Variants in TMEM132D observed in about 807,000 individuals in gnomAD.
TMEM132D encodes mature OL transmembrane protein.
In TMEM132D, 21 loss-of-function variants were observed where a neutral mutation model predicts 62.3. The observed-to-expected ratio is 0.34, with a 90% CI of 0.24 to 0.49. TMEM132D has a LOEUF of 0.49. Among genes scored for constraint, TMEM132D ranks in the 20% least tolerant of loss-of-function variants. The pLI, the probability that TMEM132D is intolerant of heterozygous loss-of-function variation, is 0.99. For missense variants in TMEM132D, 1,346 were observed against 1,402.8 expected (o/e 0.96, Z 0.65); for synonymous variants, 621 against 575.6 (o/e 1.08, Z -1.13).
intron 3 of TMEM132D, among the ~76,000 whole-genome samples, chr12:129,395,739 A>G (rs533728205): frequency 2.7e-4 from 41 of 149,354 alleles, no homozygotes; most frequent in South Asian, 1.3e-3. Context: ...GTACATAGAT[A>G]TCTATATATC....
chr12:129,218,337 G>A (rs60089696), intron 4 of TMEM132D, among the ~76,000 whole-genome samples: 1,875 of 152,262 alleles, frequency 0.012, 32 homozygotes, highest in African/African-American at 0.042. Flanking sequence ...CGATTTCATC[G>A]TTGTGTGAAC....
At chr12:129,094,572 A>G (rs1593258747) in intron 5 of TMEM132D, among the ~76,000 whole-genome samples, 1 of 152,348 alleles carries the variant, frequency 6.6e-6, no homozygotes, top group East Asian at 1.9e-4. Flanking sequence ...GAACACTTTT[A>G]CACTGTTGGT....
At chr12:129,252,157 A>G (rs1001543018) in intron 4 of TMEM132D, among the ~76,000 whole-genome samples, 3 of 152,222 alleles carry the variant, frequency 2.0e-5, no homozygotes, top group Admixed American at 6.5e-5. Context: ...TCTGGCTTTT[A>G]TATTTCAAAT....
chr12:129,232,461 A>C (rs1167380633), intron 4 of TMEM132D, among the ~76,000 whole-genome samples: 1 of 152,208 alleles, frequency 6.6e-6, no homozygotes, highest in East Asian at 1.9e-4. Flanking sequence ...GTCAGAAAGC[A>C]CCATGCTAGC....
intron 1 of TMEM132D, among the ~76,000 whole-genome samples, chr12:129,797,657 T>C (rs1459526456): frequency 2.6e-5 from 4 of 152,190 alleles, no homozygotes; most frequent in African/African-American, 9.7e-5. Context: ...AGTCTTCCTG[T>C]GTGTTGTTCC....
intron 1 of TMEM132D, among the ~76,000 whole-genome samples, chr12:129,872,721 C>T (rs1213437042): frequency 6.6e-6 from 1 of 152,160 alleles, no homozygotes; most frequent in Non-Finnish European, 1.5e-5. Context: ...TTGTAATGTA[C>T]CGACGTAAGC....
At chr12:129,815,362 A>T (rs1322078701) in intron 1 of TMEM132D, among the ~76,000 whole-genome samples, 2 of 152,182 alleles carry the variant, frequency 1.3e-5, no homozygotes, top group Non-Finnish European at 2.9e-5. Context: ...ATTAAGCAAC[A>T]TAATAAATAA....
intron 2 of TMEM132D, among the ~76,000 whole-genome samples, chr12:129,592,980 G>A (rs1367784576): frequency 1.3e-5 from 2 of 152,142 alleles, no homozygotes; most frequent in African/African-American, 4.8e-5. Flanking sequence ...AAGAGGAAGA[G>A]ACACAGGAGG....
chr12:129,161,219 A>G lies in TMEM132D; in HGVS notation c.1443+48301T>C, dbSNP rs76918110. ...CTTCCTCCTGGGAGAGTCCAAGAGG[A>G]AAGACTGTGTACATATTTTGGGTCA... On this transcript the variant is annotated intron_variant, in intron 5 of 8. Transcript: ENST00000422113. Among the ~76,000 whole-genome samples, 1,088 of 152,318 alleles carry G rather than the reference A, an allele frequency of 7.1e-3. 15 individuals are homozygous for G. Among genetic ancestry groups the G allele is most frequent in the African/African-American group, 0.025 (1,036 of 41,564 alleles).
intron 1 of TMEM132D, among the ~76,000 whole-genome samples, chr12:129,786,964 C>T (rs753388163): frequency 8.6e-5 from 13 of 152,032 alleles, no homozygotes; most frequent in East Asian, 1.9e-4. Flanking sequence ...GCATGAGCTC[C>T]AGGGGCATCG....
chr12:129,698,399 T>G (rs1881257208), intron 2 of TMEM132D, among the ~76,000 whole-genome samples: 1 of 150,822 alleles, frequency 6.6e-6, no homozygotes, highest in Non-Finnish European at 1.5e-5. Context: ...TTCTGTTTCT[T>G]TAGTTAAAAT....
At chr12:129,194,649 G>C (rs1878497721) in intron 5 of TMEM132D, among the ~76,000 whole-genome samples, 1 of 152,160 alleles carries the variant, frequency 6.6e-6, no homozygotes, top group Non-Finnish European at 1.5e-5. Flanking sequence ...CATTAATTCA[G>C]CTCTTGAAAC....
At chr12:129,323,491 T>C (rs1330258136) in intron 4 of TMEM132D, among the ~76,000 whole-genome samples, 2 of 152,200 alleles carry the variant, frequency 1.3e-5, no homozygotes, top group African/African-American at 4.8e-5. Context: ...GAAAATTAAA[T>C]TGATTCTGAA....
At position 129,392,050 on chromosome 12, in the gene TMEM132D, C is replaced by G. The variant is rs151144937; in HGVS notation, c.1116-54233G>C. On this transcript the variant is annotated intron_variant, in intron 3 of 8. Coordinates refer to ENST00000422113, the MANE Select transcript of TMEM132D (RefSeq NM_133448.3). ...GGGATTACAGGCGTGAGCCACCATG[C>G]CTGGCCTCAGTATTTCTTTTTTTTG... Among the ~76,000 whole-genome samples, 643 of 151,628 alleles carry G rather than the reference C, an allele frequency of 4.2e-3. 5 individuals carry two copies. Among genetic ancestry groups the G allele is most frequent in the African/African-American group, 0.015 (617 of 41,320 alleles).
intron 4 of TMEM132D, among the ~76,000 whole-genome samples, chr12:129,240,903 C>T (rs1234368768): frequency 6.6e-6 from 1 of 152,070 alleles, no homozygotes; most frequent in East Asian, 1.9e-4. Flanking sequence ...TCTCCCTGTC[C>T]ATCCATCACC....
intron 1 of TMEM132D, chr12:129,854,897 C>T (rs1697290457): frequency 6.6e-6 from 1 of 152,296 alleles, no homozygotes; most frequent in Non-Finnish European, 1.5e-5. Context: ...CTCGGTCTAC[C>T]AGATGACTTT....
At chr12:129,682,482 G>A (rs900048127) in intron 2 of TMEM132D, among the ~76,000 whole-genome samples, 2 of 152,112 alleles carry the variant, frequency 1.3e-5, no homozygotes, top group African/African-American at 4.8e-5. Context: ...GGCAAACACA[G>A]CCCTTTTGTT....
intron 5 of TMEM132D, among the ~76,000 whole-genome samples, chr12:129,164,000 G>A (rs1356337011): frequency 2.0e-5 from 3 of 152,194 alleles, no homozygotes; most frequent in Non-Finnish European, 4.4e-5. Context: ...CACCAAATGG[G>A]TTCCCAGGCC....
At chr12:129,660,508 T>A (rs144993133) in intron 2 of TMEM132D, among the ~76,000 whole-genome samples, 2 of 152,156 alleles carry the variant, frequency 1.3e-5, no homozygotes, top group Non-Finnish European at 2.9e-5. Context: ...ATGTTGTCTG[T>A]GACATAACTC....
Sources: allele counts gnomAD v4.1 joint callset (sites outside exome capture counted in the v4.1 genomes callset), GRCh38; gene constraint gnomAD v4.1.1; transcripts MANE v1.5; gene names NCBI Gene and HGNC (gene_info 2026-07-23, HGNC 2026-07-21).